RYR2: variants seen among roughly 807,000 people sequenced by gnomAD.
RYR2 encodes the protein ryanodine receptor 2.
A neutral mutation model predicts 601.1 loss-of-function variants in RYR2; 227 were observed. The ratio of observed to expected loss-of-function variants is 0.38; its 90% CI spans 0.34 to 0.42. The LOEUF (loss-of-function observed/expected upper bound fraction) is 0.42, where lower values mean the gene tolerates loss of function less well. RYR2 is among the 10% of genes least tolerant of loss of function. The pLI, the probability that RYR2 is intolerant of heterozygous loss-of-function variation, is 1.00. For missense variants in RYR2, 4,646 were observed against 6,156.5 expected, an observed-to-expected ratio of 0.75 and a Z score of 8.21; for synonymous variants, 2,223 against 2,175.1, an observed-to-expected ratio of 1.02 and a Z score of -0.61.
At chr1:237,608,582 G>A (rs1249198533) in intron 35 of RYR2, among the ~76,000 whole-genome samples, 1 of 152,078 alleles carries the variant, frequency 6.6e-6, no homozygotes, top group Non-Finnish European at 1.5e-5. Context: ...CACGCCTTTA[G>A]TCCCAGATCC....
intron 10 of RYR2, among the ~76,000 whole-genome samples, chr1:237,404,847 T>C (rs916766462): frequency 4.6e-5 from 7 of 152,202 alleles, no homozygotes; most frequent in African/African-American, 1.4e-4. Context: ...AGGGACTGTT[T>C]AGGAGACTGT....
intron 104 of RYR2, 120 bp downstream of exon 104, chr1:237,831,685 A>T (rs932919374): frequency 1.6e-6 from 1 of 634,544 alleles, no homozygotes; most frequent in Non-Finnish European, 2.7e-6. Flanking sequence ...TAGTTGTGGT[A>T]TCTTGATGTA....
intron 1 of RYR2, among the ~76,000 whole-genome samples, chr1:237,258,761 C>A (rs1688236576): frequency 6.6e-6 from 1 of 152,146 alleles, no homozygotes; most frequent in South Asian, 2.1e-4. Flanking sequence ...TGGTTGACAA[C>A]AGACTGTGAC....
chr1:237,378,236 C>G (rs1469112940), intron 8 of RYR2, among the ~76,000 whole-genome samples: 1 of 152,184 alleles, frequency 6.6e-6, no homozygotes, highest in African/African-American at 2.4e-5. Flanking sequence ...CCCACCGGGT[C>G]CCTCCCACAA....
intron 35 of RYR2, among the ~76,000 whole-genome samples, chr1:237,609,266 G>C (rs113934019): frequency 0.041 from 2,850 of 68,804 alleles, 74 homozygotes; most frequent in Admixed American, 0.064. Flanking sequence ...CTAGAGTGCA[G>C]TGATGTGATC....
At chr1:237,564,064 G>A (rs533088715) in intron 27 of RYR2, among the ~76,000 whole-genome samples, 37 of 152,146 alleles carry the variant, frequency 2.4e-4, no homozygotes, top group African/African-American at 8.9e-4. Flanking sequence ...ATAACTACCT[G>A]ATCATTTTTT....
chr1:237,193,165 T>TGCAAAAA (rs1402978522), intron 1 of RYR2, among the ~76,000 whole-genome samples: 1 of 2,750 alleles, frequency 3.6e-4, no homozygotes, highest in Admixed American at 5.8e-3. Flanking sequence ...CTGCTAAAAG[T>TGCAAAAA]ACAAAAAAAA....
intron 1 of RYR2, among the ~76,000 whole-genome samples, chr1:237,252,413 G>A (rs1687548363): frequency 2.6e-5 from 4 of 152,010 alleles, no homozygotes; most frequent in South Asian, 2.1e-4. Flanking sequence ...GGTCATTTAC[G>A]ACCATCCTGT....
chr1:237,403,355 G>A (rs2149949270), intron 10 of RYR2, among the ~76,000 whole-genome samples: 1 of 152,302 alleles, frequency 6.6e-6, no homozygotes, highest in South Asian at 2.1e-4. Context: ...GGGAGACATG[G>A]GATGTAAGCT....
chr1:237,722,050 A>G (rs1487447946), intron 73 of RYR2, among the ~76,000 whole-genome samples: 1 of 152,212 alleles, frequency 6.6e-6, no homozygotes, highest in Non-Finnish European at 1.5e-5. Context: ...ATTGATTTAT[A>G]TAATTTAATA....
intron 1 of RYR2, among the ~76,000 whole-genome samples, chr1:237,230,922 C>CT (rs1684920799): frequency 3.6e-5 from 1 of 27,736 alleles, no homozygotes; most frequent in African/African-American, 1.3e-4. Context: ...GAGAGAGACT[C>CT]GTCTCAAAAA....
chr1:237,256,253 C>T (rs1687967774), intron 1 of RYR2, among the ~76,000 whole-genome samples: 2 of 152,158 alleles, frequency 1.3e-5, no homozygotes, highest in South Asian at 4.1e-4. Flanking sequence ...CGCCTTCTGC[C>T]ATGATTGGGA....
chr1:237,795,873 T>TATGTATATGTATATATATATATATACAC (rs140571706), intron 96 of RYR2, among the ~76,000 whole-genome samples: 2 of 140,910 alleles, frequency 1.4e-5, no homozygotes, highest in African/African-American at 5.4e-5. Context: ...TATATATATA[T>TATGTATATGTATATATATATATATACAC]ACACATATAT....
intron 1 of RYR2, among the ~76,000 whole-genome samples, chr1:237,123,277 C>A (rs1671012661): frequency 6.6e-6 from 1 of 152,162 alleles, no homozygotes; most frequent in African/African-American, 2.4e-5. Flanking sequence ...TTGCTTCTAT[C>A]CTATTTTTAT....
chr1:237,328,661 G>A (rs1370690072), intron 2 of RYR2, among the ~76,000 whole-genome samples: 1 of 151,802 alleles, frequency 6.6e-6, no homozygotes, highest in Non-Finnish European at 1.5e-5. Context: ...TGTGGTCTGA[G>A]TAAGCTTTGT....
In RYR2 at chr1:237,536,799, T is replaced by C. The variant is rs1165983229; in HGVS notation, c.2906+6289T>C. On this transcript the variant is annotated intron_variant, in intron 25 of 104. Coordinates refer to ENST00000366574, the MANE Select transcript of RYR2 (RefSeq NM_001035.3). Reference sequence around the variant, plus strand: ...TACTAGGGAGGCTGAGGCAGGAGAATGGCGTGAACCCGGGAGGCGGAGCTT... The same window carrying C: ...TACTAGGGAGGCTGAGGCAGGAGAACGGCGTGAACCCGGGAGGCGGAGCTT... 2.1e-5 allele frequency among the ~76,000 whole-genome samples: 3 copies of C among 145,842 alleles called. No homozygotes were observed. The East Asian group carries it at 6.1e-4, about 29-fold the overall frequency.
At chr1:237,736,958 G>A (rs74463792) in intron 79 of RYR2, among the ~76,000 whole-genome samples, 2 of 152,120 alleles carry the variant, frequency 1.3e-5, no homozygotes, top group Non-Finnish European at 2.9e-5. Flanking sequence ...TTGCTAGGAG[G>A]TGGCTTGTAA....
At chr1:237,473,474 T>TTTCTTTC (rs1553464743) in intron 17 of RYR2, among the ~76,000 whole-genome samples, 2 of 150,408 alleles carry the variant, frequency 1.3e-5, no homozygotes, top group Non-Finnish European at 3.0e-5. Flanking sequence ...TCTATCTATC[T>TTTCTTTC]ATCTGGCATA....
At chr1:237,294,716 T>C (rs1692584486) in intron 2 of RYR2, among the ~76,000 whole-genome samples, 1 of 152,192 alleles carries the variant, frequency 6.6e-6, no homozygotes. Flanking sequence ...ATATAGATAA[T>C]GCTTCTGGAG....
Sources: gnomAD v4.1 joint callset for allele counts (sites outside exome capture counted in the v4.1 genomes callset) on GRCh38, gnomAD v4.1.1 for gene constraint, MANE v1.5 for transcripts, NCBI Gene and HGNC (gene_info 2026-07-23, HGNC 2026-07-21) for gene names.